The following ERCC6L2 variants were observed in gnomAD, a reference collection of about 807,000 sequenced individuals.
The protein encoded by ERCC6L2 is ERCC excision repair 6 like 2.
A neutral mutation model predicts 132.0 loss-of-function variants in ERCC6L2; 77 were observed. The ratio of observed to expected loss-of-function variants is 0.58; its 90% CI spans 0.49 to 0.71. The LOEUF is 0.71. Among genes scored for constraint, ERCC6L2 ranks in the 30% least tolerant of loss-of-function variants. The probability of loss-of-function intolerance (pLI) is 0.00; values close to 1 mark genes in which losing one functional copy is unlikely to be tolerated. For missense variants in ERCC6L2, 1,542 were observed against 1,837.6 expected, an observed-to-expected ratio of 0.84 and a Z score of 2.94; for synonymous variants, 583 against 632.4, an observed-to-expected ratio of 0.92 and a Z score of 1.17.
chr9:95,927,025 C>T (rs1349869893), intron 9 of ERCC6L2, among the ~76,000 whole-genome samples: 1 of 151,998 alleles, frequency 6.6e-6, no homozygotes, highest in Non-Finnish European at 1.5e-5. Flanking sequence ...TTACATACTT[C>T]ATATAGAATC....
chr9:95,976,803 A>G (rs948762119), intron 16 of ERCC6L2, among the ~76,000 whole-genome samples: 3 of 152,192 alleles, frequency 2.0e-5, no homozygotes, highest in African/African-American at 7.2e-5. Context: ...TGCCTTCACA[A>G]GTGTCTGACT....
At chr9:95,954,989 C>A in intron 12 of ERCC6L2, 1 of 418,326 alleles carries the variant, frequency 2.4e-6, no homozygotes, top group South Asian at 1.8e-5. Flanking sequence ...AGATAAATTT[C>A]CCCCAAATTG....
chr9:95,919,502 C>T (rs1829761688), intron 6 of ERCC6L2, among the ~76,000 whole-genome samples: 1 of 152,050 alleles, frequency 6.6e-6, no homozygotes, highest in African/African-American at 2.4e-5. Context: ...CCACTTGCCC[C>T]CAAACACAAC....
chr9:96,011,501 A>G (rs571497079), intron 18 of ERCC6L2, among the ~76,000 whole-genome samples: 10 of 152,240 alleles, frequency 6.6e-5, no homozygotes, highest in Non-Finnish European at 1.5e-4. Context: ...AGCAGGGCTC[A>G]TTGCCCAGGT....
At chr9:95,883,455 A>G (rs1827702925) in intron 2 of ERCC6L2, among the ~76,000 whole-genome samples, 1 of 152,188 alleles carries the variant, frequency 6.6e-6, no homozygotes, top group African/African-American at 2.4e-5. Flanking sequence ...AAAATTAATA[A>G]ATTAATTAAA....
At chr9:96,020,333 T>C (rs967554508), downstream of ERCC6L2, 8 of 181,342 alleles carry the variant, frequency 4.4e-5, no homozygotes, top group Non-Finnish European at 8.2e-5. Flanking sequence ...CCAAACCATA[T>C]CAGGGGGCCA....
chr9:95,904,338 G>A (rs1050008389), intron 3 of ERCC6L2, among the ~76,000 whole-genome samples: 6 of 152,000 alleles, frequency 3.9e-5, no homozygotes, highest in Non-Finnish European at 8.8e-5. Context: ...GCATTGACAT[G>A]TATGGTTTCA....
intron 19 of ERCC6L2, among the ~76,000 whole-genome samples, chr9:96,029,113 G>T (rs1834419716): frequency 6.6e-6 from 1 of 151,918 alleles, no homozygotes; most frequent in Non-Finnish European, 1.5e-5. Flanking sequence ...GACCATCCTG[G>T]CTAACATGGT....
At chr9:95,976,931 T>A (rs560926995) in intron 16 of ERCC6L2, among the ~76,000 whole-genome samples, 1 of 152,338 alleles carries the variant, frequency 6.6e-6, no homozygotes, top group East Asian at 1.9e-4. Flanking sequence ...GCTATTAGCA[T>A]TCTCGTTTAA....
rs758096483 is a variant in ERCC6L2 at position 95,966,726 on chromosome 9, T to C, written c.2100+12T>C. The C allele has an allele frequency of 9.3e-6, 13 of 1,398,780 alleles. No homozygotes were observed. The highest frequency in any genetic ancestry group is 7.7e-5 in the South Asian group (4 of 52,214). The allele number at this position is 1,398,780 out of a possible 1,614,324, so 86.6% of individuals were successfully genotyped here. On this transcript the variant is annotated intron_variant, in intron 14 of 18. Transcript: ENST00000653738. The stretch of plus-strand genomic sequence containing the variant: ...AGGACATCCTGGAGGTGTGAACTTC[T>C]TCTCTGACCTTTTCAATAATATTTT...
chr9:95,875,840 C>T lies in ERCC6L2; in HGVS notation c.-199C>T. ...CCGCTCCGGACGTCGCCCTCCCGTT[C>T]TGCTTGGGTCCCCTTAGTCGCTACC... On this transcript the variant is annotated 5_prime_UTR_variant, in exon 1 of 19. Coordinates refer to ENST00000653738, the MANE Select transcript of ERCC6L2 (RefSeq NM_020207.7). 2 of 589,628 alleles carry T rather than the reference C, an allele frequency of 3.4e-6. No individual in the cohort carries two copies. Among genetic ancestry groups the T allele is most frequent in the Non-Finnish European group, 3.0e-6 (1 of 329,912 alleles). 36.5% of individuals were successfully genotyped at this position (589,628 alleles called of 1,614,324 possible).
At chr9:96,029,324 C>CAAAAAAAAAA (rs955836656) in intron 19 of ERCC6L2, among the ~76,000 whole-genome samples, 1 of 104,712 alleles carries the variant, frequency 9.6e-6, no homozygotes, top group Non-Finnish European at 2.0e-5. Flanking sequence ...AAAAAAAAAA[C>CAAAAAAAAAA]AAAAAAAAAA....
intron 17 of ERCC6L2, among the ~76,000 whole-genome samples, chr9:96,000,285 T>C (rs1302179967): frequency 6.6e-6 from 1 of 152,204 alleles, no homozygotes; most frequent in Non-Finnish European, 1.5e-5. Context: ...TTTGTGTTTG[T>C]CCATCTGAAC....
intron 4 of ERCC6L2, among the ~76,000 whole-genome samples, chr9:95,913,510 A>G (rs759985962): frequency 5.9e-5 from 9 of 152,080 alleles, no homozygotes; most frequent in Admixed American, 1.3e-4. Flanking sequence ...GAATATTGCT[A>G]TGGACTTGAG....
chr9:96,020,985 C>G (rs536853934), downstream of ERCC6L2: 1 of 456,512 alleles, frequency 2.2e-6, no homozygotes, highest in Admixed American at 2.3e-5. Context: ...GCACCGGGCC[C>G]CGTCGGACTG....
In ERCC6L2 at chr9:95,922,402, G is replaced by T. The variant is rs1226960032; in HGVS notation, c.1397G>T (p.Ser466Ile). 6.2e-7 allele frequency: 1 copy of T among 1,607,448 alleles called. No homozygotes were observed. The highest frequency in any genetic ancestry group is 2.2e-5 in the East Asian group (1 of 44,760). ...CATGTCGCGCTACTGCAAGCTGCTAGTACTTCCAAACAACAGGTTTGGTTA... is the reference window on the plus strand; with the variant it reads ...CATGTCGCGCTACTGCAAGCTGCTATTACTTCCAAACAACAGGTTTGGTTA... ...ANHVALLQAA[S>I]TSKQQETLIK... The change falls in exon 8 of 19, where the codon AGT (serine) becomes ATT (isoleucine). Residue 466 changes from serine to isoleucine, a missense_variant. Physicochemically the swap from Ser to Ile is moderately radical, Grantham distance 142. Around this residue, in one of 4 missense-constraint regions of ERCC6L2, gnomAD observed 945 missense variants for 1,105.2 expected, o/e 0.86. Transcript: ENST00000653738.
intron 2 of ERCC6L2, among the ~76,000 whole-genome samples, chr9:95,896,408 ATTTT>A (rs11371289): frequency 7.3e-6 from 1 of 136,484 alleles, no homozygotes; most frequent in Admixed American, 7.1e-5. Context: ...TTGTTTTTTG[ATTTT>A]TTTTTTTTGA....
intron 3 of ERCC6L2, 125 bp from the exon 4 acceptor site, chr9:95,906,953 T>G: frequency 1.5e-6 from 1 of 669,722 alleles, no homozygotes; most frequent in Non-Finnish European, 2.6e-6. Flanking sequence ...CTCAGTTGTA[T>G]TTATTGTTAC....
At chr9:96,022,280 G>T (rs1174183147), downstream of ERCC6L2, among the ~76,000 whole-genome samples, 1 of 152,152 alleles carries the variant, frequency 6.6e-6, no homozygotes, top group African/African-American at 2.4e-5. Flanking sequence ...AATACACCGG[G>T]ACCGCGGCGG....
Sources: gnomAD v4.1 joint callset for allele counts (sites outside exome capture counted in the v4.1 genomes callset) on GRCh38, gnomAD v4.1.1 for gene constraint, gnomAD v4.1.1 regional missense constraint, MANE v1.5 for transcripts, NCBI Gene and HGNC (gene_info 2026-07-23, HGNC 2026-07-21) for gene names.